DLC1: variants seen among roughly 807,000 people sequenced by gnomAD.
DLC1 encodes DLC1 Rho GTPase activating protein, also known as rho GTPase-activating protein 7.
DLC1 carries 54 observed loss-of-function variants against 140.3 expected under a neutral mutation model. That is an observed-to-expected ratio of 0.38 (90% CI 0.31 to 0.48). The LOEUF is 0.48. Ranked by LOEUF, DLC1 falls within the 20% of genes least tolerant of loss-of-function variation. DLC1 has a pLI of 0.96. For synonymous variants in DLC1, 986 were observed against 728.1 expected (o/e 1.35, Z -5.70); for missense variants, 2,536 against 1,907.0 (o/e 1.33, Z -6.14).
At chr8:13,206,479 C>T (rs906142088) in intron 5 of DLC1, among the ~76,000 whole-genome samples, 4 of 152,006 alleles carry the variant, frequency 2.6e-5, no homozygotes, top group Non-Finnish European at 5.9e-5. Context: ...TTCCCCCTTT[C>T]ATTATGAGCC....
chr8:13,326,330 CTA>C (rs754850534), intron 4 of DLC1, among the ~76,000 whole-genome samples: 8 of 152,170 alleles, frequency 5.3e-5, no homozygotes, highest in Non-Finnish European at 1.2e-4. Flanking sequence ...TAGCATAGAC[CTA>C]TATACCTCAG....
At chr8:13,326,177 A>T (rs770934367) in intron 4 of DLC1, among the ~76,000 whole-genome samples, 1 of 152,242 alleles carries the variant, frequency 6.6e-6, no homozygotes, top group Non-Finnish European at 1.5e-5. Flanking sequence ...ACTGCAAGGC[A>T]ATGATGAGGA....
At chr8:13,595,312 T>A (rs1318372107) in intron 1 of DLC1, among the ~76,000 whole-genome samples, 5 of 152,058 alleles carry the variant, frequency 3.3e-5, no homozygotes, top group Non-Finnish European at 7.4e-5. Flanking sequence ...GTATTATAAA[T>A]GTGTTCATTT....
intron 1 of DLC1, among the ~76,000 whole-genome samples, chr8:13,602,467 T>A (rs1057090369): frequency 6.6e-6 from 1 of 151,818 alleles, no homozygotes; most frequent in Non-Finnish European, 1.5e-5. Context: ...CTTTTGGAGA[T>A]GTATACAATA....
At chr8:13,149,406 T>C (rs1823652212) in intron 5 of DLC1, among the ~76,000 whole-genome samples, 1 of 152,218 alleles carries the variant, frequency 6.6e-6, no homozygotes. Context: ...AAGCAGTCTG[T>C]GTCTTTCCCT....
chr8:13,091,283 C>A (rs772789597), intron 14 of DLC1, 35 bp downstream of exon 14: 1 of 1,606,112 alleles, frequency 6.2e-7, no homozygotes, highest in Non-Finnish European at 8.5e-7. Context: ...TTCACATTAT[C>A]CTTAATAAAG....
At chr8:13,226,792 G>C (rs995316044) in intron 5 of DLC1, among the ~76,000 whole-genome samples, 3 of 152,202 alleles carry the variant, frequency 2.0e-5, no homozygotes, top group African/African-American at 7.2e-5. Context: ...TTGACTCAGA[G>C]TAGCTTTGGG....
At chr8:13,319,788 CCTT>C (rs1406465818) in intron 4 of DLC1, among the ~76,000 whole-genome samples, 30 of 149,974 alleles carry the variant, frequency 2.0e-4, no homozygotes, top group African/African-American at 6.6e-4. Context: ...TTTTCAGTAT[CCTT>C]CTCCAACCAT....
chr8:13,237,237 A>G (rs1437057750), intron 5 of DLC1, among the ~76,000 whole-genome samples: 1 of 105,668 alleles, frequency 9.5e-6, no homozygotes, highest in Admixed American at 1.0e-4. Context: ...ACATATATAT[A>G]TATACACACA....
At chr8:13,327,610 C>A (rs1833422492) in intron 4 of DLC1, among the ~76,000 whole-genome samples, 1 of 151,924 alleles carries the variant, frequency 6.6e-6, no homozygotes, top group Non-Finnish European at 1.5e-5. Flanking sequence ...AAGCCACTGT[C>A]CCCAGCTGAA....
At chr8:13,376,716 A>G (rs942308950) in intron 4 of DLC1, among the ~76,000 whole-genome samples, 3 of 152,196 alleles carry the variant, frequency 2.0e-5, no homozygotes, top group Non-Finnish European at 4.4e-5. Flanking sequence ...TTCAGGTAAC[A>G]TTTCAAAGTT....
intron 5 of DLC1, among the ~76,000 whole-genome samples, chr8:13,236,098 A>G (rs1417573859): frequency 6.6e-6 from 1 of 152,080 alleles, no homozygotes; most frequent in Non-Finnish European, 1.5e-5. Context: ...AAACATTTAA[A>G]ACTACATAGA....
At chr8:13,448,164 C>T (rs1798872326) in intron 2 of DLC1, among the ~76,000 whole-genome samples, 1 of 152,072 alleles carries the variant, frequency 6.6e-6, no homozygotes, top group Admixed American at 6.6e-5. Flanking sequence ...AAGCGTCTCT[C>T]CAGGTGACTC....
chr8:13,284,080 T>G (rs2117436304), intron 5 of DLC1, among the ~76,000 whole-genome samples: 1 of 152,226 alleles, frequency 6.6e-6, no homozygotes, highest in Admixed American at 6.5e-5. Context: ...AAGGCTGGCA[T>G]TAGTTTGTGT....
At position 13,085,898 on chromosome 8, in the gene DLC1, A is replaced by T; in HGVS notation, c.4500T>A (p.Phe1500Leu). Residue 1500 changes from phenylalanine to leucine, a missense_variant, in exon 18 of 18, where the codon TTT becomes TTA. Physicochemically the swap from Phe to Leu is conservative, Grantham distance 22. Transcript: ENST00000276297. ...GHMPEWYTKS[F>L]GHLCAAEVVK... is the part of the protein sequence containing the mutation. ...CAACTTCAGCTGCACACAAATGTCC[A>T]AAAGATTTTGTGTACCATTCTGGCA... 2 of 1,614,206 alleles carry T rather than the reference A, an allele frequency of 1.2e-6. No individual in the cohort carries two copies. The highest frequency in any genetic ancestry group is 1.7e-6 in the Non-Finnish European group (2 of 1,180,032).
At chr8:13,555,229 T>A (rs1804000264) in intron 1 of DLC1, among the ~76,000 whole-genome samples, 1 of 152,238 alleles carries the variant, frequency 6.6e-6, no homozygotes, top group Admixed American at 6.5e-5. Context: ...TTTTTCTACA[T>A]ATCACATACC....
At chr8:13,401,731 T>G (rs1837310339) in intron 2 of DLC1, 112 bp from the exon 3 acceptor site, 2 of 1,358,136 alleles carry the variant, frequency 1.5e-6, no homozygotes, top group South Asian at 3.0e-5. Flanking sequence ...AGGCAGTCTT[T>G]AATTAGAAGA....
chr8:13,249,013 A>C (rs1434395780), intron 5 of DLC1, among the ~76,000 whole-genome samples: 1 of 151,676 alleles, frequency 6.6e-6, no homozygotes, highest in Admixed American at 6.6e-5. Context: ...TCATTCTTAG[A>C]CTCCTCACTT....
intron 9 of DLC1, 142 bp from the exon 10 acceptor site, chr8:13,098,717 G>C: frequency 2.3e-6 from 2 of 874,542 alleles, no homozygotes; most frequent in Non-Finnish European, 3.4e-6. Flanking sequence ...CTCAGCTCAA[G>C]TGATCCTCCT....
Sources: allele counts gnomAD v4.1 joint callset (sites outside exome capture counted in the v4.1 genomes callset), GRCh38; gene constraint gnomAD v4.1.1; transcripts MANE v1.5; gene names NCBI Gene and HGNC (gene_info 2026-07-23, HGNC 2026-07-21).